TRAPPC10: variants seen among roughly 807,000 people sequenced by gnomAD.
The protein encoded by TRAPPC10 is TRAPP 130 kDa subunit.
TRAPPC10 carries 23 observed loss-of-function variants against 125.5 expected under a neutral mutation model. The ratio of observed to expected loss-of-function variants is 0.18; its 90% CI spans 0.13 to 0.26. The LOEUF (loss-of-function observed/expected upper bound fraction) is 0.26, where lower values mean the gene tolerates loss of function less well. Ranked by LOEUF, TRAPPC10 falls within the 10% of genes least tolerant of loss-of-function variation. The pLI is 1.00. For missense variants in TRAPPC10, 1,123 were observed against 1,308.4 expected, an observed-to-expected ratio of 0.86 and a Z score of 2.19; for synonymous variants, 509 against 518.0, an observed-to-expected ratio of 0.98 and a Z score of 0.24.
At chr21:44,025,609 T>C (rs2032966845) in intron 1 of TRAPPC10, among the ~76,000 whole-genome samples, 1 of 152,220 alleles carries the variant, frequency 6.6e-6, no homozygotes, top group African/African-American at 2.4e-5. Context: ...TTAACATTCT[T>C]GGCCTGTGTG....
Position 44,012,621 on chromosome 21 carries a change from A to G in TRAPPC10, c.67+61A>G, listed in dbSNP as rs536896297. 4.9e-6 allele frequency: 7 copies of G among 1,433,222 alleles called. No homozygotes were observed. The East Asian group carries it at 1.3e-4, about 27-fold the overall frequency. The allele number at this position is 1,433,222 out of a possible 1,614,324, so 88.8% of individuals were successfully genotyped here. On this transcript the variant is annotated intron_variant, in intron 1 of 22. Transcript: ENST00000291574. ...TTGGGCGGGCCCGGGCCCTGGCGTT[A>G]TGCACCCGGCGCCCCCAGACCTTCA...
At chr21:44,027,727 G>C (rs529817048) in intron 1 of TRAPPC10, among the ~76,000 whole-genome samples, 8 of 152,304 alleles carry the variant, frequency 5.3e-5, no homozygotes, top group African/African-American at 1.7e-4. Context: ...TCTCTTGACT[G>C]TGTTACCTAG....
At chr21:44,036,978 G>C (rs2034029819) in intron 2 of TRAPPC10, among the ~76,000 whole-genome samples, 1 of 152,102 alleles carries the variant, frequency 6.6e-6, no homozygotes, top group African/African-American at 2.4e-5. Flanking sequence ...AAAGGACAGG[G>C]GAAAACTAGA....
Position 44,052,430 on chromosome 21 carries a change from A to C in TRAPPC10, c.436A>C (p.Ile146Leu). Residue 146 changes from isoleucine (I) to leucine (L), a missense_variant, in exon 4 of 23, where the codon ATT becomes CTT. Physicochemically the swap from Ile to Leu is conservative, Grantham distance 5 (BLOSUM62 2). Around this residue, in one of 4 missense-constraint regions of TRAPPC10, gnomAD observed 177 missense variants for 228.9 expected, o/e 0.77. Coordinates refer to ENST00000291574, the MANE Select transcript of TRAPPC10 (RefSeq NM_003274.5). ...NKTNILPRTS[I>L]VDKIRNDFCN... ...AACCAACATCCTTCCCCGAACCTCT[A>C]TTGTGGACAAAATAAGAAATGATTT... The C allele has an allele frequency of 6.2e-7, 1 of 1,605,666 alleles. No individual in the cohort carries two copies. The highest frequency in any genetic ancestry group is 8.5e-7 in the Non-Finnish European group (1 of 1,178,020).
rs561095033 is a variant in TRAPPC10 at position 44,066,307 on chromosome 21, G to A, written c.1038+2522G>A. 3.3e-5 allele frequency among the ~76,000 whole-genome samples: 5 copies of A among 152,362 alleles called. No individual in the cohort carries two copies. In the East Asian group the frequency reaches 7.7e-4, roughly 23 times the overall value. On this transcript the variant is annotated intron_variant, in intron 7 of 22. Transcript: ENST00000291574. ...GCTTGATCCACACTCCAGGGGCGAC[G>A]GGGGCTGAGGAGGGGAGCAAGACGG...
At chr21:44,037,205 C>G (rs1305597389) in intron 2 of TRAPPC10, among the ~76,000 whole-genome samples, 1 of 152,164 alleles carries the variant, frequency 6.6e-6, no homozygotes, top group Non-Finnish European at 1.5e-5. Context: ...TAGGCCGTCA[C>G]TGAGAGCCTT....
At chr21:44,057,168 C>T (rs1237135970) in intron 5 of TRAPPC10, among the ~76,000 whole-genome samples, 2 of 151,852 alleles carry the variant, frequency 1.3e-5, no homozygotes, top group Non-Finnish European at 1.5e-5. Context: ...CAGGGGCTGG[C>T]AGAGGGAGAA....
Position 44,063,201 on chromosome 21 carries a change from C to G in TRAPPC10, c.791-337C>G. The G allele has an allele frequency of 3.1e-6, 4 of 1,281,866 alleles. No individual in the cohort carries two copies. The South Asian group carries it at 5.4e-5, about 17-fold the overall frequency. 79.4% of individuals were successfully genotyped at this position (1,281,866 alleles called of 1,614,324 possible). On this transcript the variant is annotated intron_variant, in intron 6 of 22. Transcript: ENST00000291574. The surrounding 1 kb of genome is among the most constrained non-coding windows in gnomAD (Gnocchi z 4.4). ...TAAGGAAGCCCAGCCCCGCTGCAGC[C>G]TAAGACTAGAGCCCTCCCTCGGCCT...
intron 7 of TRAPPC10, among the ~76,000 whole-genome samples, chr21:44,069,294 C>A (rs1419339504): frequency 6.6e-6 from 1 of 152,178 alleles, no homozygotes; most frequent in Non-Finnish European, 1.5e-5. Flanking sequence ...AGGGCCCTTA[C>A]TCCAGGGCGT....
intron 2 of TRAPPC10, among the ~76,000 whole-genome samples, chr21:44,033,893 T>G (rs2033783326): frequency 6.6e-6 from 1 of 152,068 alleles, no homozygotes; most frequent in South Asian, 2.1e-4. Context: ...TGTGTAGATT[T>G]AATATTTGTA....
rs1451988419 is a variant in TRAPPC10, at chr21:44,059,217, G to A, written c.790+3G>A. On this transcript the variant is annotated splice_donor_region_variant and intron_variant, in intron 6 of 22. Transcript: ENST00000291574. This position sits in a 1 kb window ranked among gnomAD's most constrained non-coding sequence, Gnocchi z 4.4. The stretch of plus-strand genomic sequence containing the variant: ...TGTGGTCAACTTCGGGGCCGGGGGT[G>A]AGTAGTGGCACTTCAGTAACGCATG... 1 of 1,595,006 alleles carries A rather than the reference G, an allele frequency of 6.3e-7. No individual in the cohort carries two copies. Among genetic ancestry groups the A allele is most frequent in the Admixed American group, 1.8e-5 (1 of 55,902 alleles).
intron 3 of TRAPPC10, among the ~76,000 whole-genome samples, chr21:44,047,831 C>A (rs1332780176): frequency 6.6e-6 from 1 of 152,188 alleles, no homozygotes; most frequent in Non-Finnish European, 1.5e-5. Context: ...CTTCAGTCCA[C>A]TACCTTCTTC....
In TRAPPC10 at chr21:44,064,344, T is replaced by TGTGTGA. The variant is rs1555947834; in HGVS notation, c.1038+560_1038+561insTGTGAG. 3.0e-4 allele frequency among the ~76,000 whole-genome samples: 46 copies of TGTGTGA among 151,560 alleles called. No homozygotes were observed. The Middle Eastern group carries it at 0.014, about 45-fold the overall frequency. On this transcript the variant is annotated intron_variant, in intron 7 of 22. Transcript: ENST00000291574. ...GTGTGTGTGTGTGTGTGTGTGAGTG[T>TGTGTGA]GAGAATGTAGTTAGTAAAACATTTG...
In TRAPPC10 at chr21:44,047,565, T is replaced by TGTGTGTGTGTGTGTGTGTGC. The variant is rs954810521; in HGVS notation, c.286-4714_286-4713insTGTGTGTGTGTGTGTGTGCG. The stretch of plus-strand genomic sequence containing the variant: ...GTGTGTGTGTGTGTGTGTGTGTGTG[T>TGTGTGTGTGTGTGTGTGTGC]GCGCGCACACGCTACATGAAGTTCC... On this transcript the variant is annotated intron_variant, in intron 3 of 22. Transcript: ENST00000291574. Among the ~76,000 whole-genome samples, 227 of 147,182 alleles carry TGTGTGTGTGTGTGTGTGTGC rather than the reference T, an allele frequency of 1.5e-3. 2 individuals are homozygous for TGTGTGTGTGTGTGTGTGTGC. The highest frequency in any genetic ancestry group is 4.5e-3 in the African/African-American group (174 of 38,692).
intron 6 of TRAPPC10, among the ~76,000 whole-genome samples, chr21:44,060,915 T>TACACACACACACACACACACACAC (rs34848979): frequency 1.5e-5 from 2 of 132,260 alleles, no homozygotes; most frequent in African/African-American, 6.0e-5. Flanking sequence ...CATACATACA[T>TACACACACACACACACACACACAC]ACACACACAC....
Position 44,074,297 on chromosome 21 carries a change from C to T in TRAPPC10, c.1039-27C>T, listed in dbSNP as rs749626397. Reference sequence around the variant, plus strand: ...GCTAGAGCTGTCCCGGAGCACCCCTCACACGTTCGCATTTGCACCCCCACA... The same window carrying T: ...GCTAGAGCTGTCCCGGAGCACCCCTTACACGTTCGCATTTGCACCCCCACA... On this transcript the variant is annotated intron_variant, in intron 7 of 22. Transcript: ENST00000291574. 11 of 1,612,858 alleles carry T rather than the reference C, an allele frequency of 6.8e-6. No homozygotes were observed. The South Asian group carries it at 1.1e-4, about 16-fold the overall frequency.
In TRAPPC10 at chr21:44,059,426, T is replaced by C. The variant is rs1455426020; in HGVS notation, c.790+212T>C. Reference sequence around the variant, plus strand: ...TTTTCACTTTTAGAAGAATCTTAAGTAACAAAAATAATAATAATTTAAAAA... The same window carrying C: ...TTTTCACTTTTAGAAGAATCTTAAGCAACAAAAATAATAATAATTTAAAAA... On this transcript the variant is annotated intron_variant, in intron 6 of 22. Coordinates refer to ENST00000291574, the MANE Select transcript of TRAPPC10 (RefSeq NM_003274.5). This position sits in a 1 kb window ranked among gnomAD's most constrained non-coding sequence, Gnocchi z 4.4. 1.4e-6 allele frequency: 1 copy of C among 704,532 alleles called. No individual in the cohort carries two copies. The highest frequency in any genetic ancestry group is 2.6e-6 in the Non-Finnish European group (1 of 382,402). 43.6% of individuals were successfully genotyped at this position (704,532 alleles called of 1,614,324 possible). A position where few individuals can be genotyped will look rare whatever the true frequency, so the allele number is the denominator to read the frequency against.
chr21:44,076,327 T>C (rs1005300720), intron 9 of TRAPPC10, among the ~76,000 whole-genome samples: 3 of 152,258 alleles, frequency 2.0e-5, no homozygotes, highest in Non-Finnish European at 4.4e-5. Context: ...AGTTTAGTTC[T>C]AAAGATCAGA....
chr21:44,083,136 C>G lies in TRAPPC10; in HGVS notation c.2072C>G (p.Thr691Arg). Residue 691 changes from threonine (T) to arginine (R), a missense_variant, in exon 14 of 23, where the codon ACG becomes AGG. Coordinates refer to ENST00000291574, the MANE Select transcript of TRAPPC10 (RefSeq NM_003274.5). ...ERSPSDNSLN[T>R]TGIICRNVHM... ...AGCCCATCTGATAACTCCTTGAACACGACTGGGATTATCTGCAGAAACGTC... is the reference window on the plus strand; with the variant it reads ...AGCCCATCTGATAACTCCTTGAACAGGACTGGGATTATCTGCAGAAACGTC... 1 of 1,614,150 alleles carries G rather than the reference C, an allele frequency of 6.2e-7. No homozygotes were observed. The highest frequency in any genetic ancestry group is 8.5e-7 in the Non-Finnish European group (1 of 1,180,036).
Sources: allele counts gnomAD v4.1 joint callset (sites outside exome capture counted in the v4.1 genomes callset), GRCh38; gene constraint gnomAD v4.1.1; regional missense constraint gnomAD v4.1.1; non-coding constraint Gnocchi (gnomAD v3.1); transcripts MANE v1.5; gene names NCBI Gene and HGNC (gene_info 2026-07-23, HGNC 2026-07-21).